The following CAMK2D variants were observed in gnomAD, a reference collection of about 807,000 sequenced individuals.
CAMK2D encodes calcium/calmodulin-dependent protein kinase type II subunit delta.
In CAMK2D, 37 loss-of-function variants were observed where a neutral mutation model predicts 84.0. The observed-to-expected ratio is 0.44, with a 90% CI of 0.34 to 0.58. The LOEUF (loss-of-function observed/expected upper bound fraction) is 0.58, where lower values mean the gene tolerates loss of function less well. CAMK2D is among the 20% of genes least tolerant of loss of function. The pLI is 0.02. For missense variants in CAMK2D, 448 were observed against 652.5 expected (o/e 0.69, Z 3.41); for synonymous variants, 202 against 212.5 (o/e 0.95, Z 0.43).
chr4:113,544,136 G>A (rs1250738854), intron 6 of CAMK2D, among the ~76,000 whole-genome samples: 1 of 152,054 alleles, frequency 6.6e-6, no homozygotes, highest in African/African-American at 2.4e-5. Context: ...CAAAGGCTGT[G>A]GTCAATGCTA....
At chr4:113,716,320 T>C (rs189228021) in intron 2 of CAMK2D, among the ~76,000 whole-genome samples, 13 of 152,308 alleles carry the variant, frequency 8.5e-5, no homozygotes, top group Admixed American at 3.3e-4. Flanking sequence ...TGTTACTTGA[T>C]TGACATTTTC....
At chr4:113,588,241 G>A (rs887964726) in intron 4 of CAMK2D, among the ~76,000 whole-genome samples, 6 of 152,062 alleles carry the variant, frequency 3.9e-5, no homozygotes, top group South Asian at 2.1e-4. Flanking sequence ...CAGGCTCCCC[G>A]GGTAATTGAA....
chr4:113,630,213 T>C (rs1039218330), intron 3 of CAMK2D, among the ~76,000 whole-genome samples: 1 of 152,184 alleles, frequency 6.6e-6, no homozygotes, highest in African/African-American at 2.4e-5. Flanking sequence ...AATAGAATAG[T>C]TTTTAAAAAT....
At chr4:113,678,253 T>C (rs1206423185) in intron 2 of CAMK2D, among the ~76,000 whole-genome samples, 1 of 152,172 alleles carries the variant, frequency 6.6e-6, no homozygotes, top group Non-Finnish European at 1.5e-5. Flanking sequence ...AAGGTGGATC[T>C]GAGAGCTCTT....
At chr4:113,542,068 C>A (rs923158209) in intron 6 of CAMK2D, among the ~76,000 whole-genome samples, 2 of 152,182 alleles carry the variant, frequency 1.3e-5, no homozygotes, top group Non-Finnish European at 2.9e-5. Flanking sequence ...AAGAATCCTT[C>A]TGTATTCCAT....
At chr4:113,620,459 T>C (rs1592057833) in intron 3 of CAMK2D, among the ~76,000 whole-genome samples, 1 of 152,130 alleles carries the variant, frequency 6.6e-6, no homozygotes, top group African/African-American at 2.4e-5. Flanking sequence ...CAAACAGTTA[T>C]TCAAATTGCT....
intron 3 of CAMK2D, among the ~76,000 whole-genome samples, chr4:113,658,021 T>C (rs774709150): frequency 6.6e-6 from 1 of 152,174 alleles, no homozygotes; most frequent in African/African-American, 2.4e-5. Context: ...TCAGTCATGA[T>C]TGAGTACTAG....
At chr4:113,687,663 A>T (rs1561838827) in intron 2 of CAMK2D, among the ~76,000 whole-genome samples, 1 of 152,236 alleles carries the variant, frequency 6.6e-6, no homozygotes, top group African/African-American at 2.4e-5. Flanking sequence ...CACATCCTTC[A>T]TATGAAATAA....
At chr4:113,701,586 G>A (rs966143910) in intron 2 of CAMK2D, among the ~76,000 whole-genome samples, 1 of 152,164 alleles carries the variant, frequency 6.6e-6, no homozygotes, top group African/African-American at 2.4e-5. Context: ...CTAAAATGAT[G>A]GGACCTTCAT....
chr4:113,558,953 G>A (rs1439880779), intron 4 of CAMK2D, among the ~76,000 whole-genome samples: 4 of 152,074 alleles, frequency 2.6e-5, no homozygotes, highest in Non-Finnish European at 5.9e-5. Flanking sequence ...CTGCACTCCA[G>A]CCTAGATGAC....
chr4:113,636,034 T>C (rs74789170), intron 3 of CAMK2D, among the ~76,000 whole-genome samples: 14,711 of 152,256 alleles, frequency 0.097, 916 homozygotes, highest in South Asian at 0.14. Flanking sequence ...CTGAACTCTC[T>C]ACCAGATTTC....
At chr4:113,503,231 G>A (rs201210407) in intron 14 of CAMK2D, 10 of 690,524 alleles carry the variant, frequency 1.4e-5, no homozygotes, top group South Asian at 1.4e-4. Context: ...ATTCAAACAA[G>A]GCTTTGATAT....
intron 4 of CAMK2D, among the ~76,000 whole-genome samples, chr4:113,608,025 A>G (rs1463670652): frequency 6.6e-6 from 1 of 152,180 alleles, no homozygotes; most frequent in African/African-American, 2.4e-5. Context: ...TCTTGAACAG[A>G]TATCTTCTGA....
chr4:113,582,081 G>C (rs921429361), intron 4 of CAMK2D, among the ~76,000 whole-genome samples: 13 of 152,052 alleles, frequency 8.5e-5, no homozygotes, highest in Admixed American at 8.5e-4. Context: ...ATGGCTTTTG[G>C]AGAGCATATT....
intron 2 of CAMK2D, among the ~76,000 whole-genome samples, chr4:113,662,506 T>C (rs7679751): frequency 0.31 from 47,597 of 151,972 alleles, 9,400 homozygotes; most frequent in African/African-American, 0.56. Context: ...AAGACAAAAA[T>C]ATGGTAGAAA....
chr4:113,462,334 GTCTGTCTA>G (rs1251462999), intron 17 of CAMK2D, among the ~76,000 whole-genome samples: 137 of 129,830 alleles, frequency 1.1e-3, no homozygotes, highest in African/African-American at 3.7e-3. Flanking sequence ...CTGTCTGTCT[GTCTGTCTA>G]TCTATCTATC....
intron 2 of CAMK2D, among the ~76,000 whole-genome samples, chr4:113,747,156 C>A (rs1381081194): frequency 1.3e-5 from 2 of 151,868 alleles, no homozygotes; most frequent in Middle Eastern, 3.4e-3. Flanking sequence ...GCTAGGGAGG[C>A]TAAATATTTA....
intron 2 of CAMK2D, among the ~76,000 whole-genome samples, chr4:113,710,608 G>A (rs975269949): frequency 6.6e-6 from 1 of 152,148 alleles, no homozygotes; most frequent in African/African-American, 2.4e-5. Context: ...GCAAAGCAAT[G>A]TCTGTATTAA....
In CAMK2D at chr4:113,733,950, T is replaced by G. The variant is rs375457989; in HGVS notation, c.160+25370A>C. 5.9e-5 allele frequency among the ~76,000 whole-genome samples: 9 copies of G among 152,322 alleles called. No homozygotes were observed. The East Asian group carries it at 1.2e-3, about 20-fold the overall frequency. On this transcript the variant is annotated intron_variant, in intron 2 of 20. Transcript: ENST00000511664. ...TAAATATGTACAAATGAGAACAGGT[T>G]TCCATTCTGCTTTTAAGCTAAACAA...
Sources: gnomAD v4.1 joint callset for allele counts (sites outside exome capture counted in the v4.1 genomes callset) on GRCh38, gnomAD v4.1.1 for gene constraint, MANE v1.5 for transcripts, NCBI Gene and HGNC (gene_info 2026-07-23, HGNC 2026-07-21) for gene names.